Variants in FOXJ1 observed in about 807,000 individuals in gnomAD.
The protein encoded by FOXJ1 is forkhead box protein J1.
In FOXJ1, 8 loss-of-function variants were observed where a neutral mutation model predicts 29.3. That is an observed-to-expected ratio of 0.27 (90% confidence interval 0.16 to 0.49). The LOEUF is 0.49. Ranked by LOEUF, FOXJ1 falls within the 20% of genes least tolerant of loss-of-function variation. The probability of loss-of-function intolerance (pLI) is 0.98; values close to 1 mark genes in which losing one functional copy is unlikely to be tolerated. For missense variants in FOXJ1, 539 were observed against 595.5 expected (o/e 0.91, Z 0.99); for synonymous variants, 280 against 278.7 (o/e 1.00, Z -0.05).
chr17:76,138,623 C>G lies in FOXJ1; in HGVS notation c.499-503G>C, dbSNP rs146173860. 3.9e-5 allele frequency among the ~76,000 whole-genome samples: 6 copies of G among 152,186 alleles called. No individual in the cohort carries two copies. In the East Asian group the frequency reaches 1.2e-3, roughly 29 times the overall value. On this transcript the variant is annotated intron_variant, in intron 2 of 2. Transcript: ENST00000322957. ...GGATGAGAGGTGGGGGATCTGATGA[C>G]TTTCCTTGTTTGTTGAGCCGGCTGC... is the stretch of plus-strand genomic sequence containing the variant.
intron 2 of FOXJ1, among the ~76,000 whole-genome samples, chr17:76,138,592 G>A (rs543618133): frequency 2.8e-4 from 43 of 151,934 alleles, no homozygotes; most frequent in African/African-American, 8.9e-4. Context: ...GAGAGAGAGC[G>A]CGCAGGGATG....
chr17:76,137,517 C>T lies in FOXJ1; in HGVS notation c.1102G>A (p.Asp368Asn), dbSNP rs771305310. ...TWGPSVEQAA[D>N]SLDFDETFLA... ...AAGGTCTCATCGAAGTCCAGGCTGTCGGCAGCCTGCTCCACCGAAGGCCCC... is the reference window on the plus strand; with the variant it reads ...AAGGTCTCATCGAAGTCCAGGCTGTTGGCAGCCTGCTCCACCGAAGGCCCC... Residue 368 changes from aspartate to asparagine, a missense_variant, in exon 3 of 3, where the codon GAC becomes AAC. Transcript: ENST00000322957. The surrounding 1 kb of genome is among the most constrained non-coding windows in gnomAD (Gnocchi z 9.5). The T allele has an allele frequency of 3.2e-5, 51 of 1,589,492 alleles. No homozygotes were observed. The highest frequency in any genetic ancestry group is 4.0e-5 in the Non-Finnish European group (47 of 1,168,542).
chr17:76,139,916 G>T lies in FOXJ1; in HGVS notation c.480C>A (p.His160Gln). ...CCTCTACCTGCCAGGTGGGATCTGC[G>T]TGGCGGAAGTAGCAGAAGTTGTCCG... ...WITDNFCYFRHADPTWQNSIR... is the reference protein window; with the variant it reads ...WITDNFCYFRQADPTWQNSIR... The change falls in exon 2 of 3, where the codon CAC becomes CAA. Residue 160 changes from histidine to glutamine, a missense_variant. Around this residue, in one of 3 missense-constraint regions of FOXJ1, gnomAD observed 178 missense variants for 254.4 expected, o/e 0.70. Coordinates refer to ENST00000322957, the MANE Select transcript of FOXJ1 (RefSeq NM_001454.4). This position sits in a 1 kb window ranked among gnomAD's most constrained non-coding sequence, Gnocchi z 6.6. 6.3e-7 allele frequency: 1 copy of T among 1,599,358 alleles called. No individual in the cohort carries two copies. The highest frequency in any genetic ancestry group is 1.1e-5 in the South Asian group (1 of 88,894).
At position 76,139,620 on chromosome 17, in the gene FOXJ1, G is replaced by C. The variant is rs1457102645; in HGVS notation, c.498+278C>G. Among the ~76,000 whole-genome samples, 2 of 152,226 alleles carry C rather than the reference G, an allele frequency of 1.3e-5. No individual in the cohort carries two copies. The highest frequency in any genetic ancestry group is 2.9e-5 in the Non-Finnish European group (2 of 68,034). On this transcript the variant is annotated intron_variant, in intron 2 of 2. Coordinates refer to ENST00000322957, the MANE Select transcript of FOXJ1 (RefSeq NM_001454.4). The surrounding 1 kb of genome is among the most constrained non-coding windows in gnomAD (Gnocchi z 6.6). ...AGTCTAGCCCTGGTCTTTGGCCTGG[G>C]CCTGCTGGATGAATGGCAGGTTATT...
rs1387215512 is a variant in FOXJ1 at position 76,137,443 on chromosome 17, G to A, written c.1176C>T (p.Gly392=). Residue 392 remains glycine (G), a synonymous_variant, in exon 3 of 3, where the codon GGC becomes GGT. Coordinates refer to ENST00000322957, the MANE Select transcript of FOXJ1 (RefSeq NM_001454.4). This position sits in a 1 kb window ranked among gnomAD's most constrained non-coding sequence, Gnocchi z 9.5. The part of the protein sequence containing the change: ...LQHPWDESGS[G]CLPPEPLFEA... The stretch of plus-strand genomic sequence containing the variant: ...CAAAGAGGGGCTCCGGGGGCAGGCA[G>A]CCACTGCCGCTCTCGTCCCAGGGGT... 1 of 1,550,596 alleles carries A rather than the reference G, an allele frequency of 6.4e-7. No individual in the cohort carries two copies. Among genetic ancestry groups the A allele is most frequent in the South Asian group, 1.2e-5 (1 of 84,600 alleles).
Position 76,140,306 on chromosome 17 carries a change from A to T in FOXJ1, c.90T>A (p.Asp30Glu). The change falls in exon 2 of 3, where the codon GAT becomes GAA. Residue 30 changes from aspartate (D) to glutamate (E), a missense_variant. By Grantham distance (45) the Asp-to-Glu change is conservative (BLOSUM62 2). Transcript: ENST00000322957. The surrounding 1 kb of genome is among the most constrained non-coding windows in gnomAD (Gnocchi z 8.0). ...EGGLEEPDAL[D>E]DSLTSLQWLQ... Reference sequence around the variant, plus strand: ...GCCACTGCAGGCTGGTCAGGCTGTCATCCAGGGCGTCGGGCTCCTCCAGGC... The same window carrying T: ...GCCACTGCAGGCTGGTCAGGCTGTCTTCCAGGGCGTCGGGCTCCTCCAGGC... The T allele has an allele frequency of 6.7e-7, 1 of 1,493,522 alleles. No individual in the cohort carries two copies. Among genetic ancestry groups the T allele is most frequent in the Non-Finnish European group, 8.8e-7 (1 of 1,132,100 alleles). The allele number at this position is 1,493,522 out of a possible 1,614,324, so 92.5% of individuals were successfully genotyped here.
In FOXJ1 at chr17:76,139,779, G is replaced by T; in HGVS notation, c.498+119C>A. On this transcript the variant is annotated intron_variant, in intron 2 of 2. Coordinates refer to ENST00000322957, the MANE Select transcript of FOXJ1 (RefSeq NM_001454.4). The surrounding 1 kb of genome is among the most constrained non-coding windows in gnomAD (Gnocchi z 6.6). ...GGGCTCCTTTGCAGGGCTCCCTTCT[G>T]GGGCGCTGGCCGCACCGCAGAGCCT... 3 of 1,108,610 alleles carry T rather than the reference G, an allele frequency of 2.7e-6. 1 individual carries two copies. The South Asian group carries it at 4.5e-5, about 17-fold the overall frequency. The allele number at this position is 1,108,610 out of a possible 1,614,324, so 68.7% of individuals were successfully genotyped here.
intron 2 of FOXJ1, 145 bp from the exon 3 acceptor site, chr17:76,138,265 A>C (rs1002573079): frequency 3.5e-6 from 3 of 852,126 alleles, no homozygotes; most frequent in Non-Finnish European, 5.4e-6. Context: ...TGGTCTGCCC[A>C]GGCGGCTGCA....
chr17:76,137,857 G>C lies in FOXJ1; in HGVS notation c.762C>G (p.Phe254Leu). 6.3e-7 allele frequency: 1 copy of C among 1,588,488 alleles called. No homozygotes were observed. Among genetic ancestry groups the C allele is most frequent in the Non-Finnish European group, 8.6e-7 (1 of 1,167,362 alleles). Residue 254 changes from phenylalanine to leucine, a missense_variant, in exon 3 of 3, where the codon TTC becomes TTG. Around this residue, in one of 3 missense-constraint regions of FOXJ1, gnomAD observed 302 missense variants for 293.6 expected, o/e 1.03. Coordinates refer to ENST00000322957, the MANE Select transcript of FOXJ1 (RefSeq NM_001454.4). The surrounding 1 kb of genome is among the most constrained non-coding windows in gnomAD (Gnocchi z 9.5). ...AGCCCGCCTCCCCGGTGGCCTCCTC[G>C]AACTCCCGCAGCAGCTGCTGGGCCT... is the stretch of plus-strand genomic sequence containing the variant. The part of the protein sequence containing the change: ...NTEAQQLLRE[F>L]EEATGEAGWG...
intron 2 of FOXJ1, 116 bp from the exon 3 acceptor site, chr17:76,138,236 GA>G: frequency 4.3e-6 from 5 of 1,156,450 alleles, no homozygotes; most frequent in East Asian, 2.4e-5. Context: ...CAGGGGAGAG[GA>G]GGGGGGGACA....
chr17:76,137,780 T>G lies in FOXJ1; in HGVS notation c.839A>C (p.Lys280Thr). Residue 280 changes from lysine (K) to threonine (T), a missense_variant, in exon 3 of 3, where the codon AAG becomes ACG. Lys to Thr is a moderately conservative substitution (Grantham distance 78). This residue lies in a region of FOXJ1 where 302 missense variants were observed against 293.6 expected (regional missense o/e 1.03). Coordinates refer to ENST00000322957, the MANE Select transcript of FOXJ1 (RefSeq NM_001454.4). The surrounding 1 kb of genome is among the most constrained non-coding windows in gnomAD (Gnocchi z 9.5). Reference sequence around the variant, plus strand: ...GGGCCGCGGGACCTTGGCCACCCGCTTGGGCAGCGGCTGTTTGCGCTTATG... The same window carrying G: ...GGGCCGCGGGACCTTGGCCACCCGCGTGGGCAGCGGCTGTTTGCGCTTATG... ...LGHKRKQPLP[K>T]RVAKVPRPPS... 6.2e-7 allele frequency: 1 copy of G among 1,608,860 alleles called. No individual in the cohort carries two copies. The highest frequency in any genetic ancestry group is 8.5e-7 in the Non-Finnish European group (1 of 1,177,946).
Position 76,140,145 on chromosome 17 carries a change from T to G in FOXJ1, c.251A>C (p.Gln84Pro), listed in dbSNP as rs1208211521. Reference sequence around the variant, plus strand: ...CGTGGGCTTGCCCGGCGTGTGTGGCTGCCCCAGGCAGGCGGGGTCGGCCGC... The same window carrying G: ...CGTGGGCTTGCCCGGCGTGTGTGGCGGCCCCAGGCAGGCGGGGTCGGCCGC... Reference protein sequence around the residue: ...PLAADPACLGQPHTPGKPTSS... With the variant: ...PLAADPACLGPPHTPGKPTSS... The change falls in exon 2 of 3, where the codon CAG becomes CCG. Residue 84 changes from glutamine (Q) to proline (P), a missense_variant. This residue lies in a region of FOXJ1 where 178 missense variants were observed against 254.4 expected (regional missense o/e 0.70). Coordinates refer to ENST00000322957, the MANE Select transcript of FOXJ1 (RefSeq NM_001454.4). The surrounding 1 kb of genome is among the most constrained non-coding windows in gnomAD (Gnocchi z 8.0). The G allele has an allele frequency of 6.4e-7, 1 of 1,552,632 alleles. No individual in the cohort carries two copies. The highest frequency in any genetic ancestry group is 8.6e-7 in the Non-Finnish European group (1 of 1,158,478).
chr17:76,139,845 G>C lies in FOXJ1; in HGVS notation c.498+53C>G, dbSNP rs910016345. On this transcript the variant is annotated intron_variant, in intron 2 of 2. Coordinates refer to ENST00000322957, the MANE Select transcript of FOXJ1 (RefSeq NM_001454.4). This position sits in a 1 kb window ranked among gnomAD's most constrained non-coding sequence, Gnocchi z 6.6. ...TTGGGATATGAATCCAGTGCAGCGT[G>C]GGGAGCGAGGAGGGAATGGGGAGGG... 48 of 1,543,536 alleles carry C rather than the reference G, an allele frequency of 3.1e-5. No individual in the cohort carries two copies. Among genetic ancestry groups the C allele is most frequent in the Non-Finnish European group, 2.6e-6 (3 of 1,140,810 alleles).
At chr17:76,138,271 C>T (rs992614661) in intron 2 of FOXJ1, 151 bp from the exon 3 acceptor site, 2 of 826,402 alleles carry the variant, frequency 2.4e-6, no homozygotes, top group Non-Finnish European at 3.7e-6. Context: ...GCCCAGGCGG[C>T]TGCAGCTCTG....
chr17:76,138,212 C>A, intron 2 of FOXJ1, 92 bp from the exon 3 acceptor site: 1 of 1,379,968 alleles, frequency 7.2e-7, no homozygotes, highest in Non-Finnish European at 1.0e-6. Context: ...GCGCACCCCC[C>A]ATCTTTTCTC....
At position 76,140,678 on chromosome 17, in the gene FOXJ1, G is replaced by T; in HGVS notation, c.-169-114C>A. 2.5e-6 allele frequency: 1 copy of T among 401,162 alleles called. No homozygotes were observed. The highest frequency in any genetic ancestry group is 4.4e-6 in the Non-Finnish European group (1 of 226,694). The allele number at this position is 401,162 out of a possible 1,614,324, so 24.9% of individuals were successfully genotyped here. A position where few individuals can be genotyped will look rare whatever the true frequency, so the allele number is the denominator to read the frequency against. On this transcript the variant is annotated intron_variant, in intron 1 of 2. Coordinates refer to ENST00000322957, the MANE Select transcript of FOXJ1 (RefSeq NM_001454.4). This position sits in a 1 kb window ranked among gnomAD's most constrained non-coding sequence, Gnocchi z 8.0. ...CAGCTGGGGAGGATCTTTTAGTGCCGAGGTATGGGAAACAGAAGCAAGGCC... is the reference window on the plus strand; with the variant it reads ...CAGCTGGGGAGGATCTTTTAGTGCCTAGGTATGGGAAACAGAAGCAAGGCC...
At position 76,137,744 on chromosome 17, in the gene FOXJ1, A is replaced by C; in HGVS notation, c.875T>G (p.Leu292Arg). The C allele has an allele frequency of 6.2e-7, 1 of 1,610,700 alleles. No individual in the cohort carries two copies. Among genetic ancestry groups the C allele is most frequent in the Non-Finnish European group, 8.5e-7 (1 of 1,178,586 alleles). ...ACCCTGCTCCTCCGGGGTGGGCAGC[A>C]GGGTGCTGGGGGGCCGCGGGACCTT... ...VAKVPRPPST[L>R]LPTPEEQGEL... The change falls in exon 3 of 3, where the codon CTG becomes CGG. Residue 292 changes from leucine to arginine, a missense_variant. Transcript: ENST00000322957. The surrounding 1 kb of genome is among the most constrained non-coding windows in gnomAD (Gnocchi z 9.5).
chr17:76,140,946 T>C lies in FOXJ1; in HGVS notation c.-170+168A>G, dbSNP rs1363115037. ...AAAGGAATATTATGATAGGGGATCA[T>C]TGGGAAGGAAGGGGACGGAACAGTA... On this transcript the variant is annotated intron_variant, in intron 1 of 2. Transcript: ENST00000322957. This position sits in a 1 kb window ranked among gnomAD's most constrained non-coding sequence, Gnocchi z 8.0. Among the ~76,000 whole-genome samples the C allele has an allele frequency of 6.6e-6, 1 of 151,942 alleles. No individual in the cohort carries two copies. Among genetic ancestry groups the C allele is most frequent in the Admixed American group, 6.6e-5 (1 of 15,254 alleles).
rs915155969 is a variant in FOXJ1, at chr17:76,141,231, C to G, written c.-287G>C. ...CAGCGCCTCTTGCCGCCCCCCCGCC[C>G]GACGGCGCTTCTCTGAGCTACCGCG... On this transcript the variant is annotated 5_prime_UTR_variant, in exon 1 of 3. Coordinates refer to ENST00000322957, the MANE Select transcript of FOXJ1 (RefSeq NM_001454.4). This position sits in a 1 kb window ranked among gnomAD's most constrained non-coding sequence, Gnocchi z 4.2. 1 of 152,404 alleles carries G rather than the reference C, an allele frequency of 6.6e-6. No individual in the cohort carries two copies. The highest frequency in any genetic ancestry group is 2.4e-5 in the African/African-American group (1 of 41,454). The allele number at this position is 152,404 out of a possible 1,614,324, so 9.4% of individuals were successfully genotyped here.
Sources: allele counts gnomAD v4.1 joint callset (sites outside exome capture counted in the v4.1 genomes callset), GRCh38; gene constraint gnomAD v4.1.1; regional missense constraint gnomAD v4.1.1; non-coding constraint Gnocchi (gnomAD v3.1); transcripts MANE v1.5; gene names NCBI Gene and HGNC (gene_info 2026-07-23, HGNC 2026-07-21).